Variants in EYS observed in about 807,000 individuals in gnomAD.
The protein encoded by EYS is protein eyes shut homolog.
In EYS, 250 loss-of-function variants were observed where a neutral mutation model predicts 282.1. The ratio of observed to expected loss-of-function variants is 0.89; its 90% confidence interval spans 0.80 to 0.98. The LOEUF is 0.98. EYS is among the 50% of genes least tolerant of loss of function. The probability of loss-of-function intolerance (pLI) is 0.00; values close to 1 mark genes in which losing one functional copy is unlikely to be tolerated. For missense variants in EYS, 4,016 were observed against 3,709.0 expected (o/e 1.08, Z -2.15); for synonymous variants, 1,355 against 1,282.9 (o/e 1.06, Z -1.20).
intron 12 of EYS, among the ~76,000 whole-genome samples, chr6:65,095,197 A>C (rs1240774331): frequency 6.6e-6 from 1 of 151,256 alleles, no homozygotes; most frequent in Non-Finnish European, 1.5e-5. Context: ...GTAATCAAAA[A>C]TTTCTTAAAA....
intron 41 of EYS, among the ~76,000 whole-genome samples, chr6:63,740,223 G>A (rs562178737): frequency 6.6e-6 from 1 of 152,198 alleles, no homozygotes; most frequent in Non-Finnish European, 1.5e-5. Flanking sequence ...CCCAGTGGGA[G>A]GTGATTGAGT....
At chr6:64,780,922 C>G (rs1043771230) in intron 22 of EYS, among the ~76,000 whole-genome samples, 1 of 152,136 alleles carries the variant, frequency 6.6e-6, no homozygotes, top group Non-Finnish European at 1.5e-5. Flanking sequence ...TCTCAAATAA[C>G]AGTCTAATGT....
intron 33 of EYS, among the ~76,000 whole-genome samples, chr6:64,004,520 A>G (rs970482219): frequency 6.6e-6 from 1 of 151,960 alleles, no homozygotes; most frequent in African/African-American, 2.4e-5. Flanking sequence ...TATATAAGTA[A>G]ATTGTGTGTC....
At chr6:65,204,577 T>A (rs1269531675) in intron 12 of EYS, among the ~76,000 whole-genome samples, 1 of 151,876 alleles carries the variant, frequency 6.6e-6, no homozygotes, top group African/African-American at 2.4e-5. Flanking sequence ...ATACTCTCCA[T>A]CATAAAAGCA....
chr6:65,243,232 G>C (rs968683060), intron 12 of EYS, among the ~76,000 whole-genome samples: 7 of 152,000 alleles, frequency 4.6e-5, no homozygotes, highest in African/African-American at 1.7e-4. Flanking sequence ...GATATTGTGG[G>C]TTCTATTTCA....
intron 26 of EYS, among the ~76,000 whole-genome samples, chr6:64,584,869 C>A (rs1243340133): frequency 6.6e-6 from 1 of 152,032 alleles, no homozygotes; most frequent in African/African-American, 2.4e-5. Flanking sequence ...AATGTACTCA[C>A]TATCAACATT....
At chr6:63,977,816 C>G (rs539017691) in intron 35 of EYS, among the ~76,000 whole-genome samples, 1 of 151,964 alleles carries the variant, frequency 6.6e-6, no homozygotes, top group Admixed American at 6.6e-5. Context: ...CAAATCCCTC[C>G]TGTCCCAAGC....
chr6:65,346,653 A>G (rs989153396), intron 9 of EYS, among the ~76,000 whole-genome samples: 1 of 151,750 alleles, frequency 6.6e-6, no homozygotes, highest in African/African-American at 2.4e-5. Context: ...GGCTACAGAA[A>G]AAAACAGGAA....
Position 65,648,707 on chromosome 6 carries a change from TA to T in EYS, c.-447-8816del, listed in dbSNP as rs75589705. On this transcript the variant is annotated intron_variant, in intron 1 of 42. Transcript: ENST00000503581. ...CCTGTTCCCCAAACACCTATTGAAA[TA>T]AAAAAAAAATCAATTTATAAAACAA... Among the ~76,000 whole-genome samples, 136 of 147,556 alleles carry T rather than the reference TA, an allele frequency of 9.2e-4. 1 individual carries two copies. Among genetic ancestry groups the T allele is most frequent in the African/African-American group, 2.5e-3 (98 of 39,434 alleles).
At chr6:63,722,146 A>G (rs745669369) in intron 42 of EYS, among the ~76,000 whole-genome samples, 23 of 152,106 alleles carry the variant, frequency 1.5e-4, no homozygotes, top group Non-Finnish European at 3.2e-4. Context: ...GTACCTATAA[A>G]TTCTCTGCAC....
rs1033777037 is a variant in EYS, at chr6:65,343,342, G to A, written c.1599+696C>T. ...TTTCTTAAAATGACCAAATTAGGAT[G>A]TATCAAGACAAGATAGGTTACAAAT... On this transcript the variant is annotated intron_variant, in intron 10 of 42. Transcript: ENST00000503581. Among the ~76,000 whole-genome samples, 3 of 151,380 alleles carry A rather than the reference G, an allele frequency of 2.0e-5. No individual in the cohort carries two copies. The Admixed American group carries it at 2.0e-4, about 10-fold the overall frequency.
At chr6:64,130,235 G>T (rs1687528173) in intron 31 of EYS, among the ~76,000 whole-genome samples, 1 of 152,184 alleles carries the variant, frequency 6.6e-6, no homozygotes. Context: ...CAACCCAAAT[G>T]TCCAACAACG....
At chr6:64,648,354 C>A (rs529885869) in intron 22 of EYS, among the ~76,000 whole-genome samples, 63 of 152,246 alleles carry the variant, frequency 4.1e-4, no homozygotes, top group Admixed American at 1.1e-3. Flanking sequence ...AAGCTGTTTT[C>A]CTACCTAGCC....
chr6:64,514,666 G>T (rs1313467142), intron 26 of EYS, among the ~76,000 whole-genome samples: 1 of 151,878 alleles, frequency 6.6e-6, no homozygotes, highest in East Asian at 1.9e-4. Flanking sequence ...GAAAAAAACA[G>T]ATTCTTCAGG....
intron 29 of EYS, among the ~76,000 whole-genome samples, chr6:64,313,642 G>A (rs2150379875): frequency 6.6e-6 from 1 of 152,178 alleles, no homozygotes; most frequent in Non-Finnish European, 1.5e-5. Flanking sequence ...AGAAAGGTCG[G>A]GTTACCCACA....
intron 12 of EYS, among the ~76,000 whole-genome samples, chr6:65,105,499 T>C (rs150855465): frequency 1.7e-4 from 26 of 152,068 alleles, no homozygotes; most frequent in African/African-American, 6.3e-4. Flanking sequence ...TTTCATTTAA[T>C]TTTTATTTAA....
intron 2 of EYS, among the ~76,000 whole-genome samples, chr6:65,597,418 T>C (rs751306732): frequency 2.6e-5 from 4 of 152,084 alleles, no homozygotes; most frequent in Non-Finnish European, 4.4e-5. Context: ...GAACCACCTT[T>C]AGCCACTCCC....
chr6:65,239,549 T>A (rs1039159301), intron 12 of EYS, among the ~76,000 whole-genome samples: 1 of 152,080 alleles, frequency 6.6e-6, no homozygotes, highest in Non-Finnish European at 1.5e-5. Context: ...CCTTTAATAT[T>A]TTTTTCACCT....
intron 30 of EYS, among the ~76,000 whole-genome samples, chr6:64,306,718 C>T (rs1025286396): frequency 1.3e-5 from 2 of 152,072 alleles, no homozygotes; most frequent in Non-Finnish European, 2.9e-5. Context: ...GATTGTGACT[C>T]ATTATTTGTT....
Sources: gnomAD v4.1 joint callset for allele counts (sites outside exome capture counted in the v4.1 genomes callset) on GRCh38, gnomAD v4.1.1 for gene constraint, MANE v1.5 for transcripts, NCBI Gene and HGNC (gene_info 2026-07-23, HGNC 2026-07-21) for gene names.